ARHGAP29: variants seen among roughly 807,000 people sequenced by gnomAD.
The protein encoded by ARHGAP29 is Rho GTPase activating protein 29.
Under a neutral mutation model 122.6 loss-of-function variants are expected in ARHGAP29, and 43 were observed. The ratio of observed to expected loss-of-function variants is 0.35; its 90% CI spans 0.27 to 0.45. The LOEUF (loss-of-function observed/expected upper bound fraction) is 0.45. Among genes scored for constraint, ARHGAP29 ranks in the 20% least tolerant of loss-of-function variants. ARHGAP29 has a pLI of 1.00. For missense variants in ARHGAP29, 1,303 were observed against 1,477.2 expected, an observed-to-expected ratio of 0.88 and a Z score of 1.93; for synonymous variants, 506 against 497.1, an observed-to-expected ratio of 1.02 and a Z score of -0.24.
chr1:94,269,937 G>T (rs1051680691), intron 1 of ARHGAP29, among the ~76,000 whole-genome samples: 87 of 152,130 alleles, frequency 5.7e-4, no homozygotes, highest in African/African-American at 2.1e-3. Context: ...GTAGTCCCCA[G>T]TTATAAAATT....
chr1:94,304,201 G>T, the ARHGAP29 span, among the ~76,000 whole-genome samples: 9 of 152,284 alleles, frequency 5.9e-5, no homozygotes, highest in East Asian at 1.2e-3. Flanking sequence ...GTGCAGTGGC[G>T]CCAGCACAGC....
At chr1:94,310,611 C>G in the ARHGAP29 span, among the ~76,000 whole-genome samples, 2 of 152,190 alleles carry the variant, frequency 1.3e-5, no homozygotes, top group African/African-American at 4.8e-5. Context: ...CTGAGTCAAC[C>G]GCTCTTTGAC....
chr1:94,201,667 C>T lies in ARHGAP29; in HGVS notation c.1281+53G>A, dbSNP rs193147425. ...GGATTACAGGTGTGAGCCACCATGC[C>T]TTGCCTGATGGTCTTTTCTTCTTGC... On this transcript the variant is annotated intron_variant, in intron 12 of 22. Transcript: ENST00000260526. 6.9e-6 allele frequency: 11 copies of T among 1,604,262 alleles called. No individual in the cohort carries two copies. In the East Asian group the frequency reaches 1.6e-4, roughly 23 times the overall value.
chr1:94,224,474 C>T (rs1374119259), intron 2 of ARHGAP29, among the ~76,000 whole-genome samples: 1 of 152,138 alleles, frequency 6.6e-6, no homozygotes, highest in Non-Finnish European at 1.5e-5. Context: ...ATACTAATGG[C>T]CTAAATGCCT....
In ARHGAP29 at chr1:94,270,948, A is replaced by G. The variant is rs188890293; in HGVS notation, c.-33+4064T>C. Reference sequence around the variant, plus strand: ...TTAAAATGTAGGGGGTTGAAATAACACATGACTCACTGTTCCTGTGGGTTA... The same window carrying G: ...TTAAAATGTAGGGGGTTGAAATAACGCATGACTCACTGTTCCTGTGGGTTA... On this transcript the variant is annotated intron_variant and NMD_transcript_variant, in intron 1 of 25. Coordinates refer to the ARHGAP29 transcript ENST00000552844. 6.6e-5 allele frequency among the ~76,000 whole-genome samples: 10 copies of G among 152,362 alleles called. 1 individual carries two copies. The South Asian group carries it at 2.1e-3, about 32-fold the overall frequency.
chr1:94,189,472 A>G, intron 13 of ARHGAP29, 120 bp from the exon 14 acceptor site: 1 of 1,237,846 alleles, frequency 8.1e-7, no homozygotes, highest in South Asian at 1.8e-5. Context: ...ATTAAACTAA[A>G]TATTAAAAAC....
chr1:94,202,667 C>T lies in ARHGAP29; in HGVS notation c.1020G>A (p.Glu340=). 6.2e-7 allele frequency: 1 copy of T among 1,614,118 alleles called. No individual in the cohort carries two copies. The highest frequency in any genetic ancestry group is 8.5e-7 in the Non-Finnish European group (1 of 1,180,016). ...LLCMQRQDEY[E]KAKSSMFRAE... ...CACGAAACATGGAAGACTTTGCTTT[C>T]TCATATTCATCTTGACGTTGCATGC... Residue 340 remains glutamate (E), a synonymous_variant, in exon 11 of 23, where the codon GAG becomes GAA. Transcript: ENST00000260526.
chr1:94,226,981 T>C (rs1345934100), intron 2 of ARHGAP29, among the ~76,000 whole-genome samples: 2 of 151,944 alleles, frequency 1.3e-5, no homozygotes, highest in African/African-American at 2.4e-5. Context: ...GCAATTTGTC[T>C]GAAAAAGAAA....
chr1:94,189,261 T>C lies in ARHGAP29; in HGVS notation c.1531A>G (p.Asn511Asp). ...EDVVRLPDSS[N>D]KIEEDRCSNS... ...GAGCATCTGTCCTCTTCAATTTTAT[T>C]AGAACTGTCAGGAAGGCGTACAACA... is the stretch of plus-strand genomic sequence containing the variant. The change falls in exon 14 of 23, where the codon AAT (asparagine) becomes GAT (aspartate). Residue 511 changes from asparagine (N) to aspartate (D), a missense_variant. Around this residue, in one of 3 missense-constraint regions of ARHGAP29, gnomAD observed 592 missense variants for 648.2 expected, o/e 0.91. Coordinates refer to ENST00000260526, the MANE Select transcript of ARHGAP29 (RefSeq NM_004815.4). The C allele has an allele frequency of 6.2e-7, 1 of 1,613,138 alleles. No homozygotes were observed. The highest frequency in any genetic ancestry group is 8.5e-7 in the Non-Finnish European group (1 of 1,179,506).
At chr1:94,281,316 C>A in the ARHGAP29 span, among the ~76,000 whole-genome samples, 7 of 152,134 alleles carry the variant, frequency 4.6e-5, no homozygotes, top group East Asian at 1.2e-3. Context: ...TAAGATTACA[C>A]TAAGTCTCTG....
intron 1 of ARHGAP29, among the ~76,000 whole-genome samples, chr1:94,272,966 T>G (rs1655047079): frequency 6.6e-6 from 1 of 152,222 alleles, no homozygotes; most frequent in Non-Finnish European, 1.5e-5. Flanking sequence ...TAACTTAGCA[T>G]GTAAATGTCC....
At chr1:94,184,622 C>T (rs567919134) in intron 18 of ARHGAP29, among the ~76,000 whole-genome samples, 232 of 151,578 alleles carry the variant, frequency 1.5e-3, no homozygotes, top group Middle Eastern at 3.4e-3. Flanking sequence ...GGCGTGGTAG[C>T]GCGTGCCTGT....
At position 94,203,161 on chromosome 1, in the gene ARHGAP29, A is replaced by C; in HGVS notation, c.812T>G (p.Ile271Arg). Reference protein sequence around the residue: ...SLFTNALLNDIESSHLLQQTI... With the variant: ...SLFTNALLNDRESSHLLQQTI... ...TTGTTGTAAAAGGTGACTGCTTTCT[A>C]TATCATTAAGAAGAGCATTAGTAAA... The change falls in exon 9 of 23, where the codon ATA becomes AGA. Residue 271 changes from isoleucine to arginine, a missense_variant. Physicochemically the swap from Ile to Arg is moderately conservative, Grantham distance 97. Transcript: ENST00000260526. The C allele has an allele frequency of 6.2e-7, 1 of 1,613,342 alleles. No individual in the cohort carries two copies. The highest frequency in any genetic ancestry group is 8.5e-7 in the Non-Finnish European group (1 of 1,179,752).
At chr1:94,189,467 A>T in intron 13 of ARHGAP29, 115 bp from the exon 14 acceptor site, 1 of 1,261,388 alleles carries the variant, frequency 7.9e-7, no homozygotes, top group Non-Finnish European at 1.1e-6. Flanking sequence ...GAAGAATTAA[A>T]CTAAATATTA....
At chr1:94,202,042 T>G (rs1384463200) in intron 11 of ARHGAP29, 185 bp from the exon 12 acceptor site, 1 of 558,362 alleles carries the variant, frequency 1.8e-6, no homozygotes, top group Non-Finnish European at 3.1e-6. Flanking sequence ...GACAGCCATG[T>G]ACAATTTATA....
chr1:94,183,177 A>G (rs951193574), intron 19 of ARHGAP29, among the ~76,000 whole-genome samples: 1 of 148,194 alleles, frequency 6.7e-6, no homozygotes, highest in African/African-American at 2.5e-5. Context: ...ATAAATATGT[A>G]CAGTTATTAT....
chr1:94,201,191 G>C (rs114860992), intron 12 of ARHGAP29, among the ~76,000 whole-genome samples: 1 of 151,996 alleles, frequency 6.6e-6, no homozygotes, highest in African/African-American at 2.4e-5. Flanking sequence ...CAATGATGTC[G>C]GCAAAGCCAA....
In ARHGAP29 at chr1:94,177,663, C is replaced by T; in HGVS notation, c.2854G>A (p.Glu952Lys). The T allele has an allele frequency of 6.2e-7, 1 of 1,613,480 alleles. No homozygotes were observed. The highest frequency in any genetic ancestry group is 8.5e-7 in the Non-Finnish European group (1 of 1,179,828). ...AACGCATTTTGCTTGCGTTCTGATTCCTCAAATGATGTAGCTCGTTCAAAA... is the reference window on the plus strand; with the variant it reads ...AACGCATTTTGCTTGCGTTCTGATTTCTCAAATGATGTAGCTCGTTCAAAA... ...KIFERATSFE[E>K]SERKQNALGK... The change falls in exon 22 of 23, where the codon GAA becomes AAA. Residue 952 changes from glutamate (E) to lysine (K), a missense_variant. By Grantham distance (56) the Glu-to-Lys change is moderately conservative. Transcript: ENST00000260526.
At chr1:94,201,627 C>T (rs1650856048) in intron 12 of ARHGAP29, 93 bp downstream of exon 12, 5 of 1,492,902 alleles carry the variant, frequency 3.3e-6, no homozygotes, top group Non-Finnish European at 4.5e-6. Context: ...CCCACCTCAG[C>T]CTCCCAAAGT....
Sources: gnomAD v4.1 joint callset for allele counts (sites outside exome capture counted in the v4.1 genomes callset) on GRCh38, gnomAD v4.1.1 for gene constraint, gnomAD v4.1.1 regional missense constraint, MANE v1.5 for transcripts, NCBI Gene and HGNC (gene_info 2026-07-23, HGNC 2026-07-21) for gene names.